EXT1: variants seen among roughly 807,000 people sequenced by gnomAD.
The protein encoded by EXT1 is exostosin glycosyltransferase 1.
EXT1 carries 20 observed loss-of-function variants against 82.5 expected under a neutral mutation model. The ratio of observed to expected loss-of-function variants is 0.24; its 90% CI spans 0.17 to 0.35. EXT1 has a LOEUF of 0.35. Among genes scored for constraint, EXT1 ranks in the 10% least tolerant of loss-of-function variants. EXT1 has a pLI of 1.00. For synonymous variants in EXT1, 348 were observed against 350.8 expected (o/e 0.99, Z 0.09); for missense variants, 757 against 936.5 (o/e 0.81, Z 2.50).
intron 1 of EXT1, among the ~76,000 whole-genome samples, chr8:117,875,260 T>C (rs1208756865): frequency 1.3e-5 from 2 of 151,556 alleles, no homozygotes; most frequent in African/African-American, 2.4e-5. Context: ...CTGCTAAAAA[T>C]ATAAAAAAAA....
At chr8:117,983,589 C>T (rs1815252512) in intron 1 of EXT1, among the ~76,000 whole-genome samples, 1 of 152,304 alleles carries the variant, frequency 6.6e-6, no homozygotes, top group East Asian at 1.9e-4. Flanking sequence ...CCAACACTTA[C>T]AATACCCTCC....
At chr8:117,949,600 T>C (rs982842395) in intron 1 of EXT1, among the ~76,000 whole-genome samples, 13 of 151,196 alleles carry the variant, frequency 8.6e-5, no homozygotes, top group Non-Finnish European at 2.9e-5. Context: ...TGTGAATCAT[T>C]TGCACAATTA....
At chr8:117,899,826 T>C (rs187212171) in intron 1 of EXT1, among the ~76,000 whole-genome samples, 7 of 152,310 alleles carry the variant, frequency 4.6e-5, no homozygotes, top group Non-Finnish European at 8.8e-5. Context: ...CTGAGAAAAA[T>C]GACCATATGT....
chr8:117,961,067 A>G (rs11562703), intron 1 of EXT1, among the ~76,000 whole-genome samples: 9,593 of 152,154 alleles, frequency 0.063, 683 homozygotes, highest in African/African-American at 0.18. Context: ...GCATTGAGGA[A>G]ACTCCAACTT....
intron 1 of EXT1, among the ~76,000 whole-genome samples, chr8:118,013,806 T>C (rs1235505729): frequency 6.6e-6 from 1 of 152,252 alleles, no homozygotes; most frequent in Non-Finnish European, 1.5e-5. Flanking sequence ...TTTCATGGGA[T>C]ATACTTATAC....
At chr8:117,803,935 G>A (rs1823202556) in intron 10 of EXT1, among the ~76,000 whole-genome samples, 1 of 152,120 alleles carries the variant, frequency 6.6e-6, no homozygotes. Context: ...TTCTAGAACT[G>A]AAAATTAAAT....
chr8:117,962,258 C>G (rs375615225), intron 1 of EXT1, among the ~76,000 whole-genome samples: 174 of 152,208 alleles, frequency 1.1e-3, no homozygotes, highest in African/African-American at 4.1e-3. Flanking sequence ...TGAATCTATG[C>G]TATGAAAAGC....
rs747052461 is a variant in EXT1, at chr8:118,051,512, T to G, written c.962+58573A>C. ...GCCAGTTTTAAAAAAGTCACAAAAG[T>G]TGAAGAAGAATTGATGGGCCAGGGA... On this transcript the variant is annotated intron_variant, in intron 1 of 10. Coordinates refer to ENST00000378204, the MANE Select transcript of EXT1 (RefSeq NM_000127.3). Among the ~76,000 whole-genome samples, 96 of 152,222 alleles carry G rather than the reference T, an allele frequency of 6.3e-4. 1 individual carries two copies. The highest frequency in any genetic ancestry group is 1.1e-3 in the Non-Finnish European group (73 of 68,012).
chr8:118,043,825 A>T (rs1816576190), intron 1 of EXT1, among the ~76,000 whole-genome samples: 1 of 152,212 alleles, frequency 6.6e-6, no homozygotes, highest in Non-Finnish European at 1.5e-5. Flanking sequence ...GGAGAGACCA[A>T]ATCTATGCCA....
At chr8:117,942,090 T>C (rs1357382517) in intron 1 of EXT1, among the ~76,000 whole-genome samples, 1 of 152,214 alleles carries the variant, frequency 6.6e-6, no homozygotes, top group Non-Finnish European at 1.5e-5. Flanking sequence ...GCCTCAGTAA[T>C]GTCCAACCTC....
At chr8:118,077,309 C>A (rs1056711357) in intron 1 of EXT1, among the ~76,000 whole-genome samples, 1 of 152,180 alleles carries the variant, frequency 6.6e-6, no homozygotes, top group Non-Finnish European at 1.5e-5. Flanking sequence ...CATATGCAGC[C>A]AGGATTCAAC....
At chr8:118,054,741 T>C (rs1410872169) in intron 1 of EXT1, among the ~76,000 whole-genome samples, 1 of 152,136 alleles carries the variant, frequency 6.6e-6, no homozygotes, top group East Asian at 1.9e-4. Flanking sequence ...TGGGTCCCAC[T>C]ACCAGGCACA....
At chr8:118,001,839 A>G (rs769599624) in intron 1 of EXT1, among the ~76,000 whole-genome samples, 55 of 152,356 alleles carry the variant, frequency 3.6e-4, no homozygotes, top group Non-Finnish European at 5.6e-4. Flanking sequence ...GAATCCACAT[A>G]GAAGTGCATT....
At chr8:117,974,665 T>C (rs1025741808) in intron 1 of EXT1, among the ~76,000 whole-genome samples, 5 of 152,118 alleles carry the variant, frequency 3.3e-5, no homozygotes, top group Non-Finnish European at 5.9e-5. Context: ...CAGGGTTTCA[T>C]TGTGTTGCCC....
intron 3 of EXT1, among the ~76,000 whole-genome samples, chr8:117,832,794 T>G (rs1812124012): frequency 6.6e-6 from 1 of 152,150 alleles, no homozygotes; most frequent in Non-Finnish European, 1.5e-5. Context: ...AAAGACAGAG[T>G]TCCAAGTTTT....
At chr8:117,991,066 C>T (rs755006311) in intron 1 of EXT1, among the ~76,000 whole-genome samples, 4 of 151,606 alleles carry the variant, frequency 2.6e-5, no homozygotes, top group Non-Finnish European at 5.9e-5. Flanking sequence ...GGTCCATACA[C>T]GGAATGGAAG....
chr8:118,000,097 G>C (rs372394079), intron 1 of EXT1, among the ~76,000 whole-genome samples: 5 of 152,150 alleles, frequency 3.3e-5, no homozygotes, highest in South Asian at 4.1e-4. Flanking sequence ...GCCCATGCGA[G>C]GTAAACTGTT....
intron 1 of EXT1, among the ~76,000 whole-genome samples, chr8:117,958,442 C>A (rs771742239): frequency 6.6e-6 from 1 of 152,220 alleles, no homozygotes; most frequent in African/African-American, 2.4e-5. Context: ...AAATGTGTCA[C>A]TTCTCCCCTC....
chr8:118,088,073 G>A (rs988741266), intron 1 of EXT1, among the ~76,000 whole-genome samples: 3 of 152,022 alleles, frequency 2.0e-5, no homozygotes, highest in African/African-American at 7.2e-5. Flanking sequence ...GCATTGAACA[G>A]CAACTGCTGA....
Sources: gnomAD v4.1 joint callset for allele counts (sites outside exome capture counted in the v4.1 genomes callset) on GRCh38, gnomAD v4.1.1 for gene constraint, MANE v1.5 for transcripts, NCBI Gene and HGNC (gene_info 2026-07-23, HGNC 2026-07-21) for gene names.